The following IL1RAPL2 variants were observed in gnomAD, a reference collection of about 807,000 sequenced individuals.
The protein encoded by IL1RAPL2 is interleukin 1 receptor accessory protein like 2, also known as X-linked interleukin-1 receptor accessory protein-like 2.
IL1RAPL2 carries 3 observed loss-of-function variants against 44.1 expected under a neutral mutation model. The observed-to-expected ratio is 0.07, with a 90% CI of 0.03 to 0.18. The LOEUF (loss-of-function observed/expected upper bound fraction) is 0.18. Ranked by LOEUF, IL1RAPL2 falls within the 10% of genes least tolerant of loss-of-function variation. IL1RAPL2 has a pLI of 1.00. For missense variants in IL1RAPL2, 391 were observed against 496.4 expected, an observed-to-expected ratio of 0.79 and a Z score of 2.02; for synonymous variants, 181 against 178.8, an observed-to-expected ratio of 1.01 and a Z score of -0.10.
At chrX:104,991,071 T>C (rs1329436275) in intron 2 of IL1RAPL2, among the ~76,000 whole-genome samples, 1 of 111,256 alleles carries the variant, frequency 9.0e-6, no homozygotes, top group Non-Finnish European at 1.9e-5. Context: ...CCCTGCAGAT[T>C]TGAAGGAATA....
chrX:105,128,315 A>G (rs1421786338), intron 2 of IL1RAPL2, among the ~76,000 whole-genome samples: 2 of 110,222 alleles, frequency 1.8e-5, no homozygotes, highest in Non-Finnish European at 3.8e-5. Flanking sequence ...TTCCCTTCCT[A>G]TTATGTTGCC....
chrX:105,366,016 C>T (rs1009573943), intron 5 of IL1RAPL2, among the ~76,000 whole-genome samples: 2 of 109,977 alleles, frequency 1.8e-5, no homozygotes, highest in Non-Finnish European at 3.8e-5. Context: ...GGCACAGTCT[C>T]GCCTCACTGC....
At chrX:105,685,317 T>G (rs1346675828) in intron 6 of IL1RAPL2, among the ~76,000 whole-genome samples, 1 of 111,274 alleles carries the variant, frequency 9.0e-6, no homozygotes, top group Non-Finnish European at 1.9e-5. Context: ...GAAAAAAGAT[T>G]AGAGGAATGG....
intron 6 of IL1RAPL2, among the ~76,000 whole-genome samples, chrX:105,579,991 C>T (rs920472593): frequency 1.8e-5 from 2 of 111,860 alleles, no homozygotes; most frequent in Non-Finnish European, 3.8e-5. Context: ...GAACAGGACC[C>T]GTATTGCTGT....
At chrX:104,862,263 TTAAA>T (rs1922513588) in intron 2 of IL1RAPL2, among the ~76,000 whole-genome samples, 1 of 110,948 alleles carries the variant, frequency 9.0e-6, no homozygotes, top group Non-Finnish European at 1.9e-5. Context: ...GCTTCTTGCC[TTAAA>T]TAAGTCATTG....
At chrX:105,364,522 GT>G (rs2035278767) in intron 5 of IL1RAPL2, among the ~76,000 whole-genome samples, 1 of 110,848 alleles carries the variant, frequency 9.0e-6, no homozygotes, top group African/African-American at 3.3e-5. Context: ...TATTACAGGT[GT>G]TTTAATAATA....
At chrX:105,322,283 G>C (rs2034902848) in intron 5 of IL1RAPL2, among the ~76,000 whole-genome samples, 1 of 112,485 alleles carries the variant, frequency 8.9e-6, no homozygotes, top group Admixed American at 9.4e-5. Context: ...GTTTGTATTA[G>C]TTTTCTATTG....
chrX:105,220,557 G>T, intron 3 of IL1RAPL2: 2 of 486,301 alleles, frequency 4.1e-6, no homozygotes, highest in Non-Finnish European at 6.5e-6. Context: ...CCCCTGACCG[G>T]CTTGTCCTAC....
chrX:105,228,416 T>G (rs1429047053), intron 3 of IL1RAPL2, among the ~76,000 whole-genome samples: 3 of 111,749 alleles, frequency 2.7e-5, no homozygotes, highest in African/African-American at 9.7e-5. Flanking sequence ...AAACAAAACT[T>G]TATAATATGG....
chrX:105,542,735 T>A lies in IL1RAPL2; in HGVS notation c.772+58348T>A, dbSNP rs1442965592. 1.5e-3 allele frequency among the ~76,000 whole-genome samples: 135 copies of A among 88,586 alleles called. 4 individuals carry two copies. Among genetic ancestry groups the A allele is most frequent in the Non-Finnish European group, 1.8e-3 (77 of 41,892 alleles). The allele number at this position is 88,586 out of a possible 115,157, so 76.9% of individuals were successfully genotyped here. Reference sequence around the variant, plus strand: ...TATTTATTTATTTATTTATTTAATTTATTATTTTTTTTTTTTGAGACGGAG... The same window carrying A: ...TATTTATTTATTTATTTATTTAATTAATTATTTTTTTTTTTTGAGACGGAG... On this transcript the variant is annotated intron_variant, in intron 6 of 10. Coordinates refer to ENST00000372582, the MANE Select transcript of IL1RAPL2 (RefSeq NM_017416.2).
intron 3 of IL1RAPL2, chrX:105,220,167 G>C (rs781954825): frequency 2.7e-5 from 33 of 1,211,725 alleles, no homozygotes; most frequent in Admixed American, 4.3e-5. Flanking sequence ...TGTGGGCAAA[G>C]CGCACTCCCA....
chrX:105,614,850 C>T (rs1406920626), intron 6 of IL1RAPL2, among the ~76,000 whole-genome samples: 2 of 111,358 alleles, frequency 1.8e-5, no homozygotes, highest in Admixed American at 9.5e-5. Context: ...AGTTAAAAAA[C>T]TTCGGCACAG....
intron 2 of IL1RAPL2, among the ~76,000 whole-genome samples, chrX:104,795,958 A>G (rs1932847527): frequency 8.9e-6 from 1 of 112,121 alleles, no homozygotes; most frequent in African/African-American, 3.2e-5. Flanking sequence ...CCGTATGAGA[A>G]CCATGCCAGG....
chrX:105,369,097 G>A (rs886203890), intron 5 of IL1RAPL2, among the ~76,000 whole-genome samples: 4 of 109,902 alleles, frequency 3.6e-5, no homozygotes, highest in African/African-American at 1.3e-4. Context: ...AATTCAGTGA[G>A]CATCTTTATG....
intron 2 of IL1RAPL2, among the ~76,000 whole-genome samples, chrX:105,027,060 G>A: frequency 9.0e-6 from 1 of 111,110 alleles, no homozygotes; most frequent in Admixed American, 9.6e-5. Flanking sequence ...GATGCCAAAA[G>A]CATACACTGG....
intron 1 of IL1RAPL2, among the ~76,000 whole-genome samples, chrX:104,630,871 G>T (rs1175487513): frequency 9.3e-6 from 1 of 108,059 alleles, no homozygotes; most frequent in Non-Finnish European, 1.9e-5. Flanking sequence ...TAAGTTTTAG[G>T]GTACATGGGC....
chrX:104,924,570 T>C (rs1924729411), intron 2 of IL1RAPL2, among the ~76,000 whole-genome samples: 1 of 111,535 alleles, frequency 9.0e-6, no homozygotes. Flanking sequence ...CACAAGTACA[T>C]GGAAACTAAA....
chrX:105,241,062 TAAAC>T (rs1304525770), intron 4 of IL1RAPL2, among the ~76,000 whole-genome samples: 1 of 111,157 alleles, frequency 9.0e-6, no homozygotes, highest in African/African-American at 3.3e-5. Flanking sequence ...AACAAACAAA[TAAAC>T]AAACAAAAAT....
At chrX:105,757,700 G>C (rs1213768715) in intron 10 of IL1RAPL2, among the ~76,000 whole-genome samples, 3 of 111,676 alleles carry the variant, frequency 2.7e-5, no homozygotes, top group Non-Finnish European at 5.6e-5. Flanking sequence ...GTTTTTAGAT[G>C]CAACCACTGG....
Sources: allele counts gnomAD v4.1 joint callset (sites outside exome capture counted in the v4.1 genomes callset), GRCh38; gene constraint gnomAD v4.1.1; transcripts MANE v1.5; gene names NCBI Gene and HGNC (gene_info 2026-07-23, HGNC 2026-07-21).